Variants in MPHOSPH8 observed in about 807,000 individuals in gnomAD.
MPHOSPH8 encodes M-phase phosphoprotein, mpp.
A neutral mutation model predicts 87.3 loss-of-function variants in MPHOSPH8; 45 were observed. The ratio of observed to expected loss-of-function variants is 0.52; its 90% CI spans 0.41 to 0.66. The LOEUF is 0.66. Among genes scored for constraint, MPHOSPH8 ranks in the 30% least tolerant of loss-of-function variants. The pLI is 0.00. For synonymous variants in MPHOSPH8, 366 were observed against 376.9 expected (o/e 0.97, Z 0.33); for missense variants, 883 against 1,020.2 (o/e 0.87, Z 1.83).
In MPHOSPH8 at chr13:19,643,889, C is replaced by G. The variant is rs369447872; in HGVS notation, c.369+1619C>G. Among the ~76,000 whole-genome samples the G allele has an allele frequency of 2.0e-5, 3 of 152,118 alleles. No homozygotes were observed. The East Asian group carries it at 5.8e-4, about 29-fold the overall frequency. Reference sequence around the variant, plus strand: ...ACCACAGTGTCACCACAGAGACCTACGTGTTCTCCCTTTTCCTACCAGGAG... The same window carrying G: ...ACCACAGTGTCACCACAGAGACCTAGGTGTTCTCCCTTTTCCTACCAGGAG... On this transcript the variant is annotated intron_variant, in intron 2 of 13. Transcript: ENST00000361479.
intron 11 of MPHOSPH8, among the ~76,000 whole-genome samples, chr13:19,669,400 G>A (rs1311568003): frequency 2.0e-5 from 3 of 151,986 alleles, no homozygotes; most frequent in Admixed American, 1.3e-4. Context: ...CCAGGTATGA[G>A]TACCAGAGAA....
In MPHOSPH8 at chr13:19,637,414, CT is replaced by C. The variant is rs1874064487; in HGVS notation, c.213+3454del. ...TGTTAATCATTTATTTATCTTTTTTCTGTTTATGTACATTTTTTTCTGGCCC... is the reference window on the plus strand; with the variant it reads ...TGTTAATCATTTATTTATCTTTTTTCGTTTATGTACATTTTTTTCTGGCCC... On this transcript the variant is annotated intron_variant, in intron 1 of 13. Transcript: ENST00000361479. 2.0e-5 allele frequency among the ~76,000 whole-genome samples: 3 copies of C among 152,020 alleles called. No individual in the cohort carries two copies. The South Asian group carries it at 6.2e-4, about 31-fold the overall frequency.
intron 1 of MPHOSPH8, among the ~76,000 whole-genome samples, chr13:19,635,162 A>G (rs961045588): frequency 1.3e-5 from 2 of 152,224 alleles, no homozygotes; most frequent in Non-Finnish European, 2.9e-5. Context: ...AGGATGAGCC[A>G]CTGTTAGACT....
intron 7 of MPHOSPH8, 85 bp downstream of exon 7, chr13:19,659,374 T>A: frequency 8.5e-7 from 1 of 1,172,906 alleles, no homozygotes; most frequent in Non-Finnish European, 1.2e-6. Context: ...TTTATTTTAA[T>A]TACAAAAGGC....
At chr13:19,657,362 C>CA (rs1875246588) in intron 5 of MPHOSPH8, among the ~76,000 whole-genome samples, 1 of 151,180 alleles carries the variant, frequency 6.6e-6, no homozygotes, top group African/African-American at 2.4e-5. Context: ...CTACAAAATA[C>CA]AAAAATTAGC....
chr13:19,645,532 G>A (rs1276474762), intron 2 of MPHOSPH8, among the ~76,000 whole-genome samples: 1 of 152,078 alleles, frequency 6.6e-6, no homozygotes, highest in Admixed American at 6.6e-5. Context: ...AGCACTTTGG[G>A]AGGCCGAGAG....
chr13:19,663,872 C>T (rs867293346), intron 9 of MPHOSPH8, among the ~76,000 whole-genome samples: 2 of 152,162 alleles, frequency 1.3e-5, no homozygotes, highest in African/African-American at 4.8e-5. Flanking sequence ...CCATTCCAGC[C>T]GCTGTCCCCA....
intron 2 of MPHOSPH8, among the ~76,000 whole-genome samples, chr13:19,642,635 T>C (rs554122483): frequency 1.3e-5 from 2 of 152,228 alleles, no homozygotes; most frequent in Non-Finnish European, 2.9e-5. Flanking sequence ...CTATGTCTTA[T>C]GCCTGCTTTT....
Position 19,663,053 on chromosome 13 carries a change from C to T in MPHOSPH8, c.1946C>T (p.Thr649Ile), listed in dbSNP as rs775227679. ...IHAAEKNFLT[T>I]VAILLEAGAF... ...TTCTTTTCATAGAACTTTTTAACAA[C>T]AGTGGCTATTCTTTTGGAAGCAGGA... The change falls in exon 9 of 14, where the codon ACA becomes ATA. Residue 649 changes from threonine to isoleucine, a missense_variant. By Grantham distance (89) the Thr-to-Ile change is moderately conservative (BLOSUM62 -1). This residue lies in a region of MPHOSPH8 where 741 missense variants were observed against 841.5 expected (regional missense o/e 0.88). Coordinates refer to ENST00000361479, the MANE Select transcript of MPHOSPH8 (RefSeq NM_017520.4). The T allele has an allele frequency of 1.2e-6, 2 of 1,612,508 alleles. No individual in the cohort carries two copies. The highest frequency in any genetic ancestry group is 8.5e-7 in the Non-Finnish European group (1 of 1,178,524).
intron 2 of MPHOSPH8, among the ~76,000 whole-genome samples, chr13:19,644,771 G>C (rs1294590456): frequency 6.6e-6 from 1 of 152,094 alleles, no homozygotes; most frequent in African/African-American, 2.4e-5. Flanking sequence ...CTTTTCTCAG[G>C]TGTCTTACTG....
At chr13:19,655,011 C>G (rs996968364) in intron 5 of MPHOSPH8, among the ~76,000 whole-genome samples, 8 of 151,974 alleles carry the variant, frequency 5.3e-5, no homozygotes, top group African/African-American at 1.4e-4. Flanking sequence ...AAATCCCCCA[C>G]AAAATATTAG....
intron 1 of MPHOSPH8, among the ~76,000 whole-genome samples, chr13:19,641,517 T>A (rs1398926376): frequency 7.9e-6 from 1 of 126,226 alleles, no homozygotes; most frequent in East Asian, 2.3e-4. Context: ...TGAGACAGAG[T>A]TTCACTCTTG....
chr13:19,639,110 G>A (rs1222599452), intron 1 of MPHOSPH8, among the ~76,000 whole-genome samples: 1 of 151,844 alleles, frequency 6.6e-6, no homozygotes, highest in Non-Finnish European at 1.5e-5. Flanking sequence ...TTTACCATAG[G>A]GTTTTTAAAA....
intron 1 of MPHOSPH8, among the ~76,000 whole-genome samples, chr13:19,638,091 A>G (rs1019712574): frequency 4.1e-5 from 6 of 146,168 alleles, no homozygotes; most frequent in African/African-American, 1.3e-4. Context: ...AAAGAGTGAG[A>G]CTCCATCTCA....
intron 8 of MPHOSPH8, among the ~76,000 whole-genome samples, chr13:19,662,700 T>C (rs1405459189): frequency 1.3e-5 from 2 of 151,050 alleles, no homozygotes; most frequent in East Asian, 3.8e-4. Flanking sequence ...TAATCTTAGA[T>C]AATTTAATTT....
chr13:19,639,842 TGCCTGTAATCTCA>T (rs34631809), intron 1 of MPHOSPH8, among the ~76,000 whole-genome samples: 17,970 of 152,186 alleles, frequency 0.12, 1,204 homozygotes, highest in Middle Eastern at 0.21. Context: ...CAGAGGCTCA[TGCCTGTAATCTCA>T]GCATTTTGGG....
In MPHOSPH8 at chr13:19,659,140, T is replaced by C. The variant is rs763626867; in HGVS notation, c.1702+20T>C. ...CAAGTAGTGAGTAGTTTTGGAAATA[T>C]TGAAATCCCTTTCACAAATCTAGAT... On this transcript the variant is annotated intron_variant, in intron 6 of 13. Transcript: ENST00000361479. The C allele has an allele frequency of 3.2e-5, 52 of 1,611,848 alleles. No homozygotes were observed. Among genetic ancestry groups the C allele is most frequent in the East Asian group, 1.3e-4 (6 of 44,876 alleles).
Position 19,645,649 on chromosome 13 carries a change from G to A in MPHOSPH8, c.370-794G>A, listed in dbSNP as rs572376333. On this transcript the variant is annotated intron_variant, in intron 2 of 13. Transcript: ENST00000361479. The stretch of plus-strand genomic sequence containing the variant: ...CACGTTCCTCTAATCCCAGCTATTC[G>A]TGAAGCTGAGGCAGGAGAATCGCTT... Among the ~76,000 whole-genome samples, 17 of 151,524 alleles carry A rather than the reference G, an allele frequency of 1.1e-4. No homozygotes were observed. In the East Asian group the frequency reaches 2.5e-3, roughly 23 times the overall value.
chr13:19,638,608 CA>C (rs35969936), intron 1 of MPHOSPH8, among the ~76,000 whole-genome samples: 178 of 135,686 alleles, frequency 1.3e-3, no homozygotes, highest in South Asian at 5.1e-3. Context: ...GACTCTGTCT[CA>C]AAAAAAAAAA....
Sources: allele counts gnomAD v4.1 joint callset (sites outside exome capture counted in the v4.1 genomes callset), GRCh38; gene constraint gnomAD v4.1.1; regional missense constraint gnomAD v4.1.1; transcripts MANE v1.5; gene names NCBI Gene and HGNC (gene_info 2026-07-23, HGNC 2026-07-21).